The following DOCK9 variants were observed in gnomAD, a reference collection of about 807,000 sequenced individuals.
DOCK9 encodes the protein dedicator of cytokinesis protein 9.
In DOCK9, 89 loss-of-function variants were observed where a neutral mutation model predicts 263.3. The observed-to-expected ratio is 0.34, with a 90% CI of 0.28 to 0.40. The LOEUF (loss-of-function observed/expected upper bound fraction) is 0.40, where lower values mean the gene tolerates loss of function less well. Ranked by LOEUF, DOCK9 falls within the 10% of genes least tolerant of loss-of-function variation. The pLI is 1.00. For missense variants in DOCK9, 2,140 were observed against 2,603.4 expected (o/e 0.82, Z 3.87); for synonymous variants, 976 against 973.1 (o/e 1.00, Z -0.06).
In DOCK9 at chr13:98,809,283, T is replaced by G. The variant is rs117158806; in HGVS notation, c.5367+69A>C. On this transcript the variant is annotated intron_variant, in intron 47 of 52. Transcript: ENST00000682017. ...TAAGATATAACTTTATTATAGTTTT[T>G]TTTTTGTTTTTGTTTTTGTTTTTTT... 0.021 allele frequency: 11,204 copies of G among 534,732 alleles called. 523 individuals carry two copies. In the East Asian group the frequency reaches 0.24, roughly 11 times the overall value. The allele number at this position is 534,732 out of a possible 1,614,324, so 33.1% of individuals were successfully genotyped here.
chr13:98,887,125 T>TTATATATATATATATATA (rs1160298057), intron 18 of DOCK9, among the ~76,000 whole-genome samples: 74 of 102,340 alleles, frequency 7.2e-4, no homozygotes, highest in Non-Finnish European at 1.2e-3. Flanking sequence ...ATACTATATT[T>TTATATATATATATATATA]TATATATATA....
Position 98,943,006 on chromosome 13 carries a change from C to T in DOCK9, c.243+12429G>A, listed in dbSNP as rs114757415. Among the ~76,000 whole-genome samples the T allele has an allele frequency of 6.5e-3, 992 of 152,148 alleles. 13 individuals carry two copies. The highest frequency in any genetic ancestry group is 0.023 in the African/African-American group (941 of 41,400). On this transcript the variant is annotated intron_variant, in intron 2 of 52. Coordinates refer to ENST00000682017, the MANE Select transcript of DOCK9 (RefSeq NM_001366683.2). Reference sequence around the variant, plus strand: ...CTCGATACACCAGTGAACTTTCCTTCGGGACTTGTCTTAGGAAGACATACT... The same window carrying T: ...CTCGATACACCAGTGAACTTTCCTTTGGGACTTGTCTTAGGAAGACATACT...
intron 9 of DOCK9, among the ~76,000 whole-genome samples, chr13:98,909,620 C>T (rs2139717123): frequency 6.6e-6 from 1 of 152,232 alleles, no homozygotes; most frequent in East Asian, 1.9e-4. Context: ...TTCTCAGGAC[C>T]ATCAGTTCAT....
intron 40 of DOCK9, 46 bp from the exon 41 acceptor site, chr13:98,831,576 G>A (rs369270078): frequency 6.3e-7 from 1 of 1,592,816 alleles, no homozygotes; most frequent in East Asian, 2.3e-5. Context: ...AGACAGGTCA[G>A]TGCTCGGTAA....
intron 51 of DOCK9, 27 bp downstream of exon 51, chr13:98,797,362 G>A (rs1299336951): frequency 6.2e-7 from 1 of 1,610,544 alleles, no homozygotes; most frequent in Non-Finnish European, 8.5e-7. Flanking sequence ...TACTCGAAGA[G>A]AAAAAGATGC....
chr13:98,914,251 C>T, intron 9 of DOCK9, 77 bp downstream of exon 9: 1 of 1,242,336 alleles, frequency 8.0e-7, no homozygotes, highest in Middle Eastern at 1.9e-4. Context: ...CAACAGATTC[C>T]ATTCTGGACA....
At chr13:98,808,769 T>C (rs1320472340) in intron 47 of DOCK9, 1 of 809,158 alleles carries the variant, frequency 1.2e-6, no homozygotes, top group Non-Finnish European at 2.0e-6. Context: ...TTATAATTTA[T>C]ACCATTTAAT....
chr13:98,867,872 C>A, intron 29 of DOCK9, 56 bp downstream of exon 29: 3 of 1,429,284 alleles, frequency 2.1e-6, no homozygotes, highest in African/African-American at 1.4e-5. Context: ...AAAGATAATT[C>A]TACCAGAGAA....
intron 38 of DOCK9, among the ~76,000 whole-genome samples, chr13:98,839,278 C>T (rs1416573772): frequency 6.6e-6 from 1 of 152,152 alleles, no homozygotes; most frequent in Non-Finnish European, 1.5e-5. Context: ...TACGAAATCT[C>T]CCAGAGAAAA....
At chr13:98,834,418 CCGA>C (rs1013428018) in intron 39 of DOCK9, 5 of 152,152 alleles carry the variant, frequency 3.3e-5, no homozygotes, top group African/African-American at 1.2e-4. Flanking sequence ...CATGTGTCTG[CCGA>C]CCAGGCTCAT....
intron 9 of DOCK9, among the ~76,000 whole-genome samples, chr13:98,906,540 T>C (rs1421501123): frequency 2.6e-5 from 4 of 152,210 alleles, no homozygotes; most frequent in Non-Finnish European, 5.9e-5. Context: ...GAATAGAATG[T>C]ACTCTCTCAT....
chr13:99,072,611 T>C (rs1317470317), intron 1 of DOCK9, among the ~76,000 whole-genome samples: 1 of 152,134 alleles, frequency 6.6e-6, no homozygotes, highest in Non-Finnish European at 1.5e-5. Context: ...ATGCTATCTA[T>C]ACCCACTAAC....
At chr13:98,887,120 A>G (rs1218655942) in intron 18 of DOCK9, among the ~76,000 whole-genome samples, 1 of 106,558 alleles carries the variant, frequency 9.4e-6, no homozygotes, top group African/African-American at 3.5e-5. Flanking sequence ...GACAGATACT[A>G]TATTTTATAT....
intron 2 of DOCK9, among the ~76,000 whole-genome samples, chr13:98,934,674 GA>G (rs2054528612): frequency 6.6e-6 from 1 of 152,186 alleles, no homozygotes; most frequent in African/African-American, 2.4e-5. Context: ...CAGAAGTGAG[GA>G]GATACACTAT....
At chr13:98,815,948 G>A (rs1326374691) in intron 45 of DOCK9, among the ~76,000 whole-genome samples, 1 of 152,062 alleles carries the variant, frequency 6.6e-6, no homozygotes, top group Non-Finnish European at 1.5e-5. Flanking sequence ...ATAATCTGGT[G>A]CAATTTTAAT....
intron 9 of DOCK9, among the ~76,000 whole-genome samples, chr13:98,911,664 G>A (rs1355438682): frequency 1.3e-5 from 2 of 151,838 alleles, no homozygotes; most frequent in African/African-American, 4.8e-5. Context: ...GGAGGCTGAG[G>A]TGGGTGGATC....
chr13:98,860,575 C>T (rs1249715903), intron 32 of DOCK9, 53 bp from the exon 33 acceptor site: 3 of 1,496,014 alleles, frequency 2.0e-6, no homozygotes, highest in Admixed American at 2.1e-5. Context: ...AAGGATTCCT[C>T]CCCTGTTCTT....
chr13:98,801,756 C>G (rs1403957291), intron 49 of DOCK9, among the ~76,000 whole-genome samples: 1 of 152,116 alleles, frequency 6.6e-6, no homozygotes, highest in South Asian at 2.1e-4. Flanking sequence ...TAGCAACTGG[C>G]TAGGGAAGAG....
chr13:99,071,306 C>CTTTT lies in DOCK9; in HGVS notation c.129+14913_129+14916dup, dbSNP rs71114578. ...TACAGGTGCTTGCCACCATGCCTGG[C>CTTTT]TTTTTTTTTTTTTTTTTTTTTTTTT... is the stretch of plus-strand genomic sequence containing the variant. On this transcript the variant is annotated intron_variant, in intron 1 of 32. Transcript: ENST00000427887. Among the ~76,000 whole-genome samples the CTTTT allele has an allele frequency of 1.0e-4, 5 of 49,330 alleles. 1 individual carries two copies. The highest frequency in any genetic ancestry group is 3.3e-4 in the African/African-American group (3 of 9,182). The allele number at this position is 49,330 out of a possible 152,430, so 32.4% of individuals were successfully genotyped here.
Sources: gnomAD v4.1 joint callset for allele counts (sites outside exome capture counted in the v4.1 genomes callset) on GRCh38, gnomAD v4.1.1 for gene constraint, MANE v1.5 for transcripts, NCBI Gene and HGNC (gene_info 2026-07-23, HGNC 2026-07-21) for gene names.